The following GFI1B variants were observed in gnomAD, a reference collection of about 807,000 sequenced individuals.
The protein encoded by GFI1B is zinc finger protein Gfi-1b.
GFI1B carries 20 observed loss-of-function variants against 35.3 expected under a neutral mutation model. The observed-to-expected ratio is 0.57, with a 90% CI of 0.40 to 0.82. GFI1B has a LOEUF of 0.82. Among genes scored for constraint, GFI1B ranks in the 40% least tolerant of loss-of-function variants. The pLI is 0.00. For synonymous variants in GFI1B, 178 were observed against 177.6 expected (o/e 1.00, Z -0.02); for missense variants, 430 against 446.3 (o/e 0.96, Z 0.33).
chr9:132,967,186 G>C (rs1324725114), intron 1 of GFI1B, among the ~76,000 whole-genome samples: 1 of 152,158 alleles, frequency 6.6e-6, no homozygotes, highest in Non-Finnish European at 1.5e-5. Flanking sequence ...ATGGAGTAAT[G>C]CAGCACAAAA....
chr9:132,984,544 T>C (rs1385988356), intron 1 of GFI1B, among the ~76,000 whole-genome samples: 1 of 152,202 alleles, frequency 6.6e-6, no homozygotes, highest in African/African-American at 2.4e-5. Context: ...CTGCAGCCCT[T>C]GGCACAGGGC....
At chr9:132,972,229 C>A (rs1216833580) in intron 1 of GFI1B, among the ~76,000 whole-genome samples, 1 of 152,054 alleles carries the variant, frequency 6.6e-6, no homozygotes, top group Non-Finnish European at 1.5e-5. Flanking sequence ...CAAGACCAGC[C>A]TGACCAACAT....
chr9:132,990,802 C>A (rs941156700), intron 6 of GFI1B, 70 bp from the exon 7 acceptor site: 20 of 1,425,930 alleles, frequency 1.4e-5, no homozygotes, highest in Non-Finnish European at 2.0e-5. Context: ...GGGGGCAGGG[C>A]AGGGGAGCAG....
intron 1 of GFI1B, chr9:132,949,620 G>C (rs1171733121): frequency 6.6e-6 from 1 of 152,252 alleles, no homozygotes; most frequent in Non-Finnish European, 1.5e-5. Context: ...TCCCTGGGGG[G>C]GTTCATATGG....
intron 1 of GFI1B, among the ~76,000 whole-genome samples, chr9:132,980,600 A>T (rs1012367593): frequency 6.6e-6 from 1 of 152,226 alleles, no homozygotes; most frequent in African/African-American, 2.4e-5. Flanking sequence ...TGGCTGTGCA[A>T]CCATCACCAC....
rs1849076240 is a variant in GFI1B at position 132,986,704 on chromosome 9, G to A, written c.26G>A (p.Ser9Asn). 2.5e-6 allele frequency: 4 copies of A among 1,611,914 alleles called. No individual in the cohort carries two copies. The South Asian group carries it at 3.3e-5, about 13-fold the overall frequency. Residue 9 changes from serine (S) to asparagine (N), a missense_variant, in exon 2 of 7, where the codon AGC (serine) becomes AAC (asparagine). By Grantham distance (46) the Ser-to-Asn change is conservative. Coordinates refer to ENST00000372122, the MANE Select transcript of GFI1B (RefSeq NM_001377304.1). Reference protein sequence around the residue: MPRSFLVKSKKAHTYHQPR... With the variant: MPRSFLVKNKKAHTYHQPR... The stretch of plus-strand genomic sequence containing the variant: ...ATGCCACGCTCCTTCCTGGTGAAGA[G>A]CAAGAAGGCTCACACCTACCACCAG...
chr9:132,974,730 G>C (rs1037714279), upstream of GFI1B, among the ~76,000 whole-genome samples: 2 of 152,068 alleles, frequency 1.3e-5, no homozygotes, highest in Admixed American at 1.3e-4. Flanking sequence ...TTAGTTGAAG[G>C]TCAAGGAGGT....
chr9:132,968,780 G>T (rs1023864805), intron 1 of GFI1B, among the ~76,000 whole-genome samples: 3 of 152,022 alleles, frequency 2.0e-5, no homozygotes, highest in Non-Finnish European at 2.9e-5. Context: ...AGGTTTTGTG[G>T]TTTTTATCAA....
intron 1 of GFI1B, among the ~76,000 whole-genome samples, chr9:132,980,450 T>C (rs1046990110): frequency 6.6e-6 from 1 of 152,230 alleles, no homozygotes; most frequent in African/African-American, 2.4e-5. Context: ...GGGAGCTGCT[T>C]TAGTCTATAA....
At chr9:132,958,290 G>A (rs995944241) in intron 1 of GFI1B, among the ~76,000 whole-genome samples, 5 of 152,200 alleles carry the variant, frequency 3.3e-5, no homozygotes, top group Admixed American at 1.3e-4. Context: ...CCGTTCTTGC[G>A]TTGCTACAAA....
intron 1 of GFI1B, chr9:132,951,942 T>A (rs1395640331): frequency 2.6e-5 from 4 of 152,072 alleles, no homozygotes; most frequent in African/African-American, 7.2e-5. Flanking sequence ...TAATTTTTTT[T>A]ATTTTTTGTA....
At chr9:132,987,130 TG>T (rs1169522263) in intron 2 of GFI1B, 151 bp from the exon 3 acceptor site, 2 of 886,060 alleles carry the variant, frequency 2.3e-6, no homozygotes, top group Non-Finnish European at 3.6e-6. Context: ...CCGCCTGCTC[TG>T]GGCAGAGCCC....
At chr9:132,985,135 G>A (rs1236639220) in intron 1 of GFI1B, among the ~76,000 whole-genome samples, 1 of 152,208 alleles carries the variant, frequency 6.6e-6, no homozygotes, top group Non-Finnish European at 1.5e-5. Flanking sequence ...TGCAGCGTGG[G>A]GGCAGAAAGG....
intron 1 of GFI1B, among the ~76,000 whole-genome samples, chr9:132,984,319 TG>T (rs1235970842): frequency 4.6e-5 from 7 of 151,428 alleles, no homozygotes; most frequent in Admixed American, 4.6e-4. Context: ...AAGGGGGGTG[TG>T]GGGAGCCCTG....
intron 1 of GFI1B, among the ~76,000 whole-genome samples, chr9:132,947,480 T>G (rs1263641102): frequency 1.3e-5 from 2 of 150,140 alleles, no homozygotes; most frequent in East Asian, 3.9e-4. Context: ...ATCAACAGAT[T>G]CAGAGAGACT....
intron 1 of GFI1B, among the ~76,000 whole-genome samples, chr9:132,971,358 C>T (rs1299780864): frequency 6.6e-6 from 1 of 152,160 alleles, no homozygotes. Context: ...TTCCATGCTT[C>T]TCTGAGGCAC....
chr9:132,973,292 G>A (rs1395256454), intron 2 of GFI1B, among the ~76,000 whole-genome samples: 1 of 152,172 alleles, frequency 6.6e-6, no homozygotes, highest in South Asian at 2.1e-4. Context: ...CACGACCCCC[G>A]CACAGAGCTT....
intron 4 of GFI1B, 51 bp downstream of exon 4, chr9:132,988,519 C>A: frequency 1.0e-5 from 16 of 1,545,644 alleles, no homozygotes; most frequent in Non-Finnish European, 1.4e-5. Flanking sequence ...TCCGCACTCC[C>A]TCTCAACTCA....
chr9:132,954,589 AG>A (rs1333911279), intron 1 of GFI1B, among the ~76,000 whole-genome samples: 18 of 140,574 alleles, frequency 1.3e-4, no homozygotes, highest in African/African-American at 5.4e-4. Flanking sequence ...AAAAAAAAAA[AG>A]AAAAGAAAAA....
Sources: gnomAD v4.1 joint callset for allele counts (sites outside exome capture counted in the v4.1 genomes callset) on GRCh38, gnomAD v4.1.1 for gene constraint, MANE v1.5 for transcripts, NCBI Gene and HGNC (gene_info 2026-07-23, HGNC 2026-07-21) for gene names.